The following UNC80 variants were observed in gnomAD, a reference collection of about 807,000 sequenced individuals.
UNC80 encodes the protein protein unc-80 homolog.
UNC80 carries 164 observed loss-of-function variants against 384.6 expected under a neutral mutation model. That is an observed-to-expected ratio of 0.43 (90% CI 0.38 to 0.49). UNC80 has a LOEUF of 0.49. UNC80 is among the 20% of genes least tolerant of loss of function. The probability of loss-of-function intolerance (pLI) is 0.00; values close to 1 mark genes in which losing one functional copy is unlikely to be tolerated. For synonymous variants in UNC80, 1,486 were observed against 1,527.8 expected (o/e 0.97, Z 0.64); for missense variants, 3,330 against 4,143.0 (o/e 0.80, Z 5.39).
In UNC80 at chr2:209,771,984, A is replaced by G; in HGVS notation, c.-89A>G. Reference sequence around the variant, plus strand: ...CTCTGCCTCGGGGAAGGAGGGGATGAGAGTTGGGAGCAGCGGGAGGAGGCG... The same window carrying G: ...CTCTGCCTCGGGGAAGGAGGGGATGGGAGTTGGGAGCAGCGGGAGGAGGCG... On this transcript the variant is annotated 5_prime_UTR_variant, in exon 1 of 65. An upstream open reading frame in the 5' UTR loses its in-frame stop. Transcript: ENST00000673920. 1 of 926,934 alleles carries G rather than the reference A, an allele frequency of 1.1e-6. No homozygotes were observed. Among genetic ancestry groups the G allele is most frequent in the Non-Finnish European group, 1.7e-6 (1 of 587,114 alleles). The allele number at this position is 926,934 out of a possible 1,614,324, so 57.4% of individuals were successfully genotyped here.
At position 209,777,455 on chromosome 2, in the gene UNC80, T is replaced by C. The variant is rs1003845505; in HGVS notation, c.496T>C (p.Ser166Pro). ...TCCAGGGCAGCCTTGCCAAAGCAGC[T>C]CTAATGACGAAGAAGAGAACAACCG... ...GSPGQPCQSS[S>P]NDEEENNRRK... is the part of the protein sequence containing the mutation. Residue 166 changes from serine to proline, a missense_variant, in exon 4 of 65, where the codon TCT becomes CCT. Physicochemically the swap from Ser to Pro is moderately conservative, Grantham distance 74. Coordinates refer to ENST00000673920, the MANE Select transcript of UNC80 (RefSeq NM_001371986.1). The C allele has an allele frequency of 1.5e-5, 24 of 1,614,020 alleles. No homozygotes were observed. Among genetic ancestry groups the C allele is most frequent in the Admixed American group, 1.2e-4 (7 of 60,010 alleles).
chr2:209,820,603 G>A lies in UNC80; in HGVS notation c.2255G>A (p.Gly752Asp). 6.4e-7 allele frequency: 1 copy of A among 1,551,334 alleles called. No homozygotes were observed. Among genetic ancestry groups the A allele is most frequent in the Non-Finnish European group, 8.7e-7 (1 of 1,146,560 alleles). ...GAAGGAGGAGGTGGAGATGGAGGAG[G>A]TGGAGGAGGTGATGGAGGAGGAGGT... ...GEEGGGGDGG[G>D]GGGDGGGGGG... is the part of the protein sequence containing the mutation. The change falls in exon 13 of 65, where the codon GGT becomes GAT. Residue 752 changes from glycine (G) to aspartate (D), a missense_variant. Gly to Asp is a moderately conservative substitution (Grantham distance 94). Transcript: ENST00000673920.
chr2:209,931,197 C>G (rs2090834558), intron 38 of UNC80, 143 bp downstream of exon 38: 6 of 549,846 alleles, frequency 1.1e-5, no homozygotes, highest in Non-Finnish European at 1.6e-5. Context: ...AAGCCCCTGC[C>G]TGGCATACTC....
At position 209,773,721 on chromosome 2, in the gene UNC80, C is replaced by G. The variant is rs369873933; in HGVS notation, c.141+579C>G. Among the ~76,000 whole-genome samples, 17 of 152,262 alleles carry G rather than the reference C, an allele frequency of 1.1e-4. No homozygotes were observed. The East Asian group carries it at 2.7e-3, about 24-fold the overall frequency. On this transcript the variant is annotated intron_variant, in intron 2 of 64. Coordinates refer to ENST00000673920, the MANE Select transcript of UNC80 (RefSeq NM_001371986.1). The stretch of plus-strand genomic sequence containing the variant: ...GAATCCTTAATCAACAAAACTGAGA[C>G]TTATAGTGGAAGTTCATATGATGGA...
chr2:209,815,635 T>C (rs572680841), intron 9 of UNC80, among the ~76,000 whole-genome samples: 92 of 152,340 alleles, frequency 6.0e-4, no homozygotes, highest in Non-Finnish European at 1.1e-3. Context: ...TCTGATCATA[T>C]GCATAAAGCA....
At chr2:209,924,584 C>CT (rs2090283472) in intron 35 of UNC80, among the ~76,000 whole-genome samples, 2 of 151,982 alleles carry the variant, frequency 1.3e-5, no homozygotes, top group Admixed American at 1.3e-4. Context: ...TTTCTCAGGT[C>CT]TTTCCTGGGC....
In UNC80 at chr2:209,815,315, A is replaced by G; in HGVS notation, c.1259A>G (p.Lys420Arg). Residue 420 changes from lysine to arginine, a missense_variant, in exon 9 of 65, where the codon AAG becomes AGG. By Grantham distance (26) the Lys-to-Arg change is conservative. Coordinates refer to ENST00000673920, the MANE Select transcript of UNC80 (RefSeq NM_001371986.1). ...EKSLSSEAFS[K>R]VSLTNLRRSA... is the part of the protein sequence containing the mutation. ...TCTCTTAGCTCTGAGGCCTTTTCCAAGGTTTCACTGACCAATCTGCGTAGA... is the reference window on the plus strand; with the variant it reads ...TCTCTTAGCTCTGAGGCCTTTTCCAGGGTTTCACTGACCAATCTGCGTAGA... 1 of 1,551,694 alleles carries G rather than the reference A, an allele frequency of 6.4e-7. No homozygotes were observed. Among genetic ancestry groups the G allele is most frequent in the Non-Finnish European group, 8.7e-7 (1 of 1,146,974 alleles).
intron 13 of UNC80, among the ~76,000 whole-genome samples, chr2:209,825,283 G>A (rs1159756337): frequency 1.3e-5 from 2 of 152,108 alleles, no homozygotes; most frequent in East Asian, 3.9e-4. Flanking sequence ...GCAAAAGATA[G>A]GATGATATCA....
chr2:209,833,345 T>A (rs894129943), intron 16 of UNC80, among the ~76,000 whole-genome samples: 3 of 150,608 alleles, frequency 2.0e-5, no homozygotes, highest in African/African-American at 7.4e-5. Flanking sequence ...AAATGCTGGA[T>A]CCAAAGCTTA....
rs1008656531 is a variant in UNC80, at chr2:209,976,112, T to A, written c.8588-7T>A. 1 of 1,545,850 alleles carries A rather than the reference T, an allele frequency of 6.5e-7. No homozygotes were observed. Among genetic ancestry groups the A allele is most frequent in the Non-Finnish European group, 8.7e-7 (1 of 1,144,248 alleles). ...CAGGCTCATTTTTCTCTTTTCCCGGTGTGAAGCGCTGAAGGTGATTCTCGT... is the reference window on the plus strand; with the variant it reads ...CAGGCTCATTTTTCTCTTTTCCCGGAGTGAAGCGCTGAAGGTGATTCTCGT... On this transcript the variant is annotated splice_region_variant and splice_polypyrimidine_tract_variant and intron_variant, in intron 56 of 64. Transcript: ENST00000673920. The surrounding 1 kb of genome is among the most constrained non-coding windows in gnomAD (Gnocchi z 4.3).
Position 209,918,424 on chromosome 2 carries a change from T to A in UNC80, c.5212-108T>A, listed in dbSNP as rs1259360822. ...AAATTCTTGTTCATTCTGTGTGAAGTCACTTGGATGATTAACACTTCCTGA... is the reference window on the plus strand; with the variant it reads ...AAATTCTTGTTCATTCTGTGTGAAGACACTTGGATGATTAACACTTCCTGA... On this transcript the variant is annotated intron_variant, in intron 32 of 64. Coordinates refer to ENST00000673920, the MANE Select transcript of UNC80 (RefSeq NM_001371986.1). The A allele has an allele frequency of 2.4e-6, 3 of 1,265,302 alleles. No homozygotes were observed. The African/African-American group carries it at 4.5e-5, about 19-fold the overall frequency. The allele number at this position is 1,265,302 out of a possible 1,614,324, so 78.4% of individuals were successfully genotyped here.
At chr2:209,876,783 T>G (rs1314494063) in intron 23 of UNC80, among the ~76,000 whole-genome samples, 1 of 152,186 alleles carries the variant, frequency 6.6e-6, no homozygotes, top group Non-Finnish European at 1.5e-5. Flanking sequence ...AATTTTAGAA[T>G]CCCACATACT....
At position 209,809,567 on chromosome 2, in the gene UNC80, G is replaced by GGGGC; in HGVS notation, c.939-4012_939-4009dup. 3 of 870,958 alleles carry GGGGC rather than the reference G, an allele frequency of 3.4e-6. No homozygotes were observed. The South Asian group carries it at 4.6e-5, about 13-fold the overall frequency. The allele number at this position is 870,958 out of a possible 1,614,324, so 54.0% of individuals were successfully genotyped here. ...AAGCACCAAGAGTCGGGCTGCTCAGGGGGCCCTCGCTGACCCTAGAGGCTC... is the reference window on the plus strand; with the variant it reads ...AAGCACCAAGAGTCGGGCTGCTCAGGGGGCGGGCCCTCGCTGACCCTAGAGGCTC... On this transcript the variant is annotated intron_variant, in intron 7 of 64. Coordinates refer to ENST00000673920, the MANE Select transcript of UNC80 (RefSeq NM_001371986.1).
chr2:209,847,143 A>G (rs1479860969), intron 21 of UNC80, among the ~76,000 whole-genome samples: 1 of 151,954 alleles, frequency 6.6e-6, no homozygotes, highest in East Asian at 1.9e-4. Flanking sequence ...AGATTGGGCT[A>G]CTTAACCTGT....
intron 61 of UNC80, among the ~76,000 whole-genome samples, chr2:209,987,992 T>C (rs911692325): frequency 2.0e-5 from 3 of 152,202 alleles, no homozygotes; most frequent in Non-Finnish European, 4.4e-5. Context: ...ATATCTAAGA[T>C]CCAGATTATT....
At chr2:209,836,632 A>G (rs148381669) in intron 18 of UNC80, among the ~76,000 whole-genome samples, 4 of 152,336 alleles carry the variant, frequency 2.6e-5, no homozygotes, top group African/African-American at 9.6e-5. Flanking sequence ...AATGTCAAAC[A>G]TGGAACTTTT....
At chr2:209,835,817 T>C (rs956403183) in intron 18 of UNC80, among the ~76,000 whole-genome samples, 3 of 152,192 alleles carry the variant, frequency 2.0e-5, no homozygotes, top group African/African-American at 7.2e-5. Context: ...GAAATCAAAG[T>C]GAGAAGCACA....
In UNC80 at chr2:209,879,354, C is replaced by T. The variant is rs553894270; in HGVS notation, c.3976+1265C>T. ...AGCAACATTAAATGCGTGCATCCTC[C>T]TAGGCCAAAACAACTTGAATCTCCA... is the stretch of plus-strand genomic sequence containing the variant. On this transcript the variant is annotated intron_variant, in intron 24 of 64. Transcript: ENST00000673920. Among the ~76,000 whole-genome samples the T allele has an allele frequency of 1.1e-4, 16 of 152,260 alleles. No homozygotes were observed. The South Asian group carries it at 3.3e-3, about 32-fold the overall frequency.
At chr2:209,825,813 T>C in intron 13 of UNC80, 94 bp from the exon 14 acceptor site, 1 of 1,206,214 alleles carries the variant, frequency 8.3e-7, no homozygotes. Flanking sequence ...GTAAAACATA[T>C]AAACTTGATT....
Sources: gnomAD v4.1 joint callset for allele counts (sites outside exome capture counted in the v4.1 genomes callset) on GRCh38, gnomAD v4.1.1 for gene constraint, Gnocchi (gnomAD v3.1) non-coding constraint, MANE v1.5 for transcripts, NCBI Gene and HGNC (gene_info 2026-07-23, HGNC 2026-07-21) for gene names.